Variants in TC2N observed in about 807,000 individuals in gnomAD.
The protein encoded by TC2N is tandem C2 domains, nuclear, also known as tandem C2 domains nuclear protein.
In TC2N, 51 loss-of-function variants were observed where a neutral mutation model predicts 61.9. The observed-to-expected ratio is 0.82, with a 90% confidence interval of 0.66 to 1.04. TC2N has a LOEUF of 1.04. TC2N is among the 50% of genes least tolerant of loss of function. The pLI is 0.00. For synonymous variants in TC2N, 204 were observed against 192.6 expected, an observed-to-expected ratio of 1.06 and a Z score of -0.49; for missense variants, 556 against 566.7, an observed-to-expected ratio of 0.98 and a Z score of 0.19.
chr14:91,856,873 G>C (rs1716136141), intron 1 of TC2N, among the ~76,000 whole-genome samples: 1 of 152,170 alleles, frequency 6.6e-6, no homozygotes, highest in Admixed American at 6.5e-5. Context: ...TCACAGAAGT[G>C]GTCTAAATTA....
intron 3 of TC2N, among the ~76,000 whole-genome samples, chr14:91,803,412 T>C (rs76225454): frequency 0.03 from 2,450 of 82,986 alleles, 28 homozygotes; most frequent in Non-Finnish European, 0.044. Flanking sequence ...CGTACATACA[T>C]ACACACACAC....
Position 91,781,967 on chromosome 14 carries a change from A to G in TC2N, c.*1133T>C, listed in dbSNP as rs1885151788. ...GGGACAAAGTAAGAATGGGGGCAGA[A>G]AAAAAGGGAAGACTGAGAACACAGA... On this transcript the variant is annotated 3_prime_UTR_variant, in exon 12 of 12. Coordinates refer to ENST00000435962, the MANE Select transcript of TC2N (RefSeq NM_001128596.3). 1 of 152,070 alleles carries G rather than the reference A, an allele frequency of 6.6e-6. No individual in the cohort carries two copies. Among genetic ancestry groups the G allele is most frequent in the Non-Finnish European group, 1.5e-5 (1 of 67,948 alleles). The allele number at this position is 152,070 out of a possible 1,614,324, so 9.4% of individuals were successfully genotyped here.
intron 1 of TC2N, among the ~76,000 whole-genome samples, chr14:91,865,390 T>TTA (rs1491304734): frequency 7.4e-6 from 1 of 135,158 alleles, no homozygotes. Context: ...TTTTTTTTTT[T>TTA]AAAAAAACAT....
At chr14:91,823,201 A>T (rs973539053) in intron 1 of TC2N, among the ~76,000 whole-genome samples, 1 of 152,118 alleles carries the variant, frequency 6.6e-6, no homozygotes, top group African/African-American at 2.4e-5. Context: ...CCTCAAAAAC[A>T]TTAGCAGAGC....
At chr14:91,832,405 T>A (rs1423594662) in intron 1 of TC2N, among the ~76,000 whole-genome samples, 27 of 102,374 alleles carry the variant, frequency 2.6e-4, no homozygotes, top group Admixed American at 1.5e-3. Context: ...AAAAAAAAAA[T>A]CTATGTTTTA....
chr14:91,798,681 T>G lies in TC2N; in HGVS notation c.638-282A>C, dbSNP rs548080147. On this transcript the variant is annotated intron_variant, in intron 6 of 11. Transcript: ENST00000435962. The stretch of plus-strand genomic sequence containing the variant: ...GAAATCTTTCCAAATAACATTTATA[T>G]GGCCTTAATACTGTATTCTTCTGGA... Among the ~76,000 whole-genome samples, 7 of 152,104 alleles carry G rather than the reference T, an allele frequency of 4.6e-5. No homozygotes were observed. The East Asian group carries it at 7.7e-4, about 17-fold the overall frequency.
chr14:91,859,390 G>T (rs1888546987), intron 1 of TC2N, among the ~76,000 whole-genome samples: 1 of 151,782 alleles, frequency 6.6e-6, no homozygotes, highest in African/African-American at 2.4e-5. Flanking sequence ...TCACCTCAGG[G>T]TGTGCCTTGG....
At chr14:91,792,326 C>T in intron 9 of TC2N, 41 bp downstream of exon 9, 1 of 1,353,810 alleles carries the variant, frequency 7.4e-7, no homozygotes. Context: ...CCAACTAATT[C>T]TAAAAGTATG....
chr14:91,852,286 C>T (rs569475917), intron 1 of TC2N, among the ~76,000 whole-genome samples: 6 of 152,130 alleles, frequency 3.9e-5, no homozygotes, highest in Non-Finnish European at 8.8e-5. Flanking sequence ...AAAACCTTAG[C>T]CGGGTGTGGT....
chr14:91,792,610 C>A, intron 8 of TC2N, 52 bp from the exon 9 acceptor site: 1 of 819,244 alleles, frequency 1.2e-6, no homozygotes, highest in South Asian at 3.0e-5. Flanking sequence ...GGCTTATATG[C>A]CAATACAAAA....
At chr14:91,789,304 G>T (rs10132168) in intron 9 of TC2N, among the ~76,000 whole-genome samples, 14,908 of 149,718 alleles carry the variant, frequency 0.1, 1,646 homozygotes, top group African/African-American at 0.27. Context: ...TGTTCAAAGA[G>T]TTAAACTATT....
At chr14:91,813,528 C>T (rs1886870433) in intron 2 of TC2N, among the ~76,000 whole-genome samples, 175 bp downstream of exon 2, 1 of 151,582 alleles carries the variant, frequency 6.6e-6, no homozygotes, top group African/African-American at 2.4e-5. Context: ...GGTTGAATTA[C>T]TCTCTCTCTC....
chr14:91,834,370 G>C (rs553490049), intron 1 of TC2N, among the ~76,000 whole-genome samples: 50 of 152,218 alleles, frequency 3.3e-4, no homozygotes, highest in African/African-American at 1.2e-3. Flanking sequence ...CCATGAGAGA[G>C]GAACAATGTT....
rs751082490 is a variant in TC2N at position 91,859,139 on chromosome 14, TC to T, written c.-57+8122del. Reference sequence around the variant, plus strand: ...CCCACAAGGACCCCAGAGCTCGGTCTCTAGCACCAGACTCTGTGCTTTCATA... The same window carrying T: ...CCCACAAGGACCCCAGAGCTCGGTCTTAGCACCAGACTCTGTGCTTTCATA... On this transcript the variant is annotated intron_variant, in intron 1 of 11. Transcript: ENST00000435962. Among the ~76,000 whole-genome samples the T allele has an allele frequency of 5.7e-4, 87 of 152,298 alleles. 1 individual carries two copies. In the Middle Eastern group the frequency reaches 0.014, roughly 24 times the overall value.
intron 3 of TC2N, among the ~76,000 whole-genome samples, chr14:91,802,995 C>T (rs1454854216): frequency 6.6e-6 from 1 of 152,028 alleles, no homozygotes; most frequent in Non-Finnish European, 1.5e-5. Context: ...CTGAAAGATT[C>T]GCTCTACTGG....
At chr14:91,818,111 C>T (rs1166001188) in intron 1 of TC2N, among the ~76,000 whole-genome samples, 2 of 151,944 alleles carry the variant, frequency 1.3e-5, no homozygotes, top group African/African-American at 2.4e-5. Context: ...CAAGCAAAGC[C>T]GAGAAGATTT....
At chr14:91,817,366 CT>C (rs1887052398) in intron 1 of TC2N, among the ~76,000 whole-genome samples, 1 of 151,830 alleles carries the variant, frequency 6.6e-6, no homozygotes, top group African/African-American at 2.4e-5. Flanking sequence ...GAGTAAAATA[CT>C]CCGTAACCAC....
intron 1 of TC2N, among the ~76,000 whole-genome samples, chr14:91,858,152 CT>C (rs56379239): frequency 3.5e-3 from 319 of 92,346 alleles, no homozygotes; most frequent in African/African-American, 7.7e-3. Context: ...TCTTCTTCTT[CT>C]TTTTTTTTTT....
intron 1 of TC2N, among the ~76,000 whole-genome samples, chr14:91,851,462 T>A (rs1888374791): frequency 6.6e-6 from 1 of 152,188 alleles, no homozygotes; most frequent in East Asian, 1.9e-4. Context: ...TCAAGGTGTG[T>A]CTGGTCCCAA....
Sources: gnomAD v4.1 joint callset for allele counts (sites outside exome capture counted in the v4.1 genomes callset) on GRCh38, gnomAD v4.1.1 for gene constraint, MANE v1.5 for transcripts, NCBI Gene and HGNC (gene_info 2026-07-23, HGNC 2026-07-21) for gene names.